The following PMP2 variants were observed in gnomAD, a reference collection of about 807,000 sequenced individuals.
The protein encoded by PMP2 is peripheral myelin protein 2, also known as myelin P2 protein.
Under a neutral mutation model 15.9 loss-of-function variants are expected in PMP2, and 11 were observed. The ratio of observed to expected loss-of-function variants is 0.69; its 90% CI spans 0.44 to 1.14. The LOEUF is 1.14. Ranked by LOEUF, PMP2 falls within the 50% of genes most tolerant of loss-of-function variation. The pLI is 0.00. For missense variants in PMP2, 151 were observed against 154.0 expected (o/e 0.98, Z 0.10); for synonymous variants, 55 against 54.1 (o/e 1.02, Z -0.07).
At chr8:81,445,315 C>G (rs1807430186) in intron 1 of PMP2, among the ~76,000 whole-genome samples, 1 of 152,082 alleles carries the variant, frequency 6.6e-6, no homozygotes, top group South Asian at 2.1e-4. Context: ...AGCTCCGCCT[C>G]CCAGGTTCAC....
rs1807378756 is a variant in PMP2 at position 81,443,012 on chromosome 8, T to G, written c.*386A>C. The G allele has an allele frequency of 6.4e-6, 1 of 156,186 alleles. No individual in the cohort carries two copies. The highest frequency in any genetic ancestry group is 2.4e-5 in the African/African-American group (1 of 41,524). The allele number at this position is 156,186 out of a possible 1,614,324, so 9.7% of individuals were successfully genotyped here. A position where few individuals can be genotyped will look rare whatever the true frequency, so the allele number is the denominator to read the frequency against. ...TCATTTCTGATGCTCCTTCCCCATA[T>G]CTCCTCTGGCCCCTGTCAGCATTTG... On this transcript the variant is annotated 3_prime_UTR_variant, in exon 4 of 4. Coordinates refer to ENST00000256103, the MANE Select transcript of PMP2 (RefSeq NM_002677.5).
chr8:81,443,742 G>A (rs1237398317), intron 3 of PMP2, among the ~76,000 whole-genome samples: 1 of 151,930 alleles, frequency 6.6e-6, no homozygotes, highest in Non-Finnish European at 1.5e-5. Flanking sequence ...ACATATTTGC[G>A]TTACCTGGGG....
chr8:81,446,716 A>C (rs1445434165), intron 1 of PMP2, among the ~76,000 whole-genome samples: 1 of 152,198 alleles, frequency 6.6e-6, no homozygotes, highest in East Asian at 1.9e-4. Context: ...ATGTTAGCGA[A>C]ATTGAGTTTG....
In PMP2 at chr8:81,440,498, AAC is replaced by A. The variant is rs1807306837; in HGVS notation, c.*2898_*2899del. 6.6e-6 allele frequency: 1 copy of A among 152,242 alleles called. No homozygotes were observed. The highest frequency in any genetic ancestry group is 1.5e-5 in the Non-Finnish European group (1 of 68,034). 9.4% of individuals were successfully genotyped at this position (152,242 alleles called of 1,614,324 possible). A position where few individuals can be genotyped will look rare whatever the true frequency, so the allele number is the denominator to read the frequency against. On this transcript the variant is annotated 3_prime_UTR_variant, in exon 4 of 4. Transcript: ENST00000256103. ...AACAACAATAAATAAAAAACCACTT[AAC>A]ACAGACATTTCTAGGCTGAAAAAGA...
chr8:81,446,108 A>C (rs1807445739), intron 1 of PMP2, among the ~76,000 whole-genome samples: 1 of 152,256 alleles, frequency 6.6e-6, no homozygotes, highest in Non-Finnish European at 1.5e-5. Flanking sequence ...CTGAATAAGA[A>C]GTTAAGAGTT....
In PMP2 at chr8:81,442,847, C is replaced by A. The variant is rs975553766; in HGVS notation, c.*551G>T. On this transcript the variant is annotated 3_prime_UTR_variant, in exon 4 of 4. Coordinates refer to ENST00000256103, the MANE Select transcript of PMP2 (RefSeq NM_002677.5). ...TATAAATTATCTGTCTATAAATTATCCATTTTTACTTAACTGTCTATAAAT... is the reference window on the plus strand; with the variant it reads ...TATAAATTATCTGTCTATAAATTATACATTTTTACTTAACTGTCTATAAAT... The A allele has an allele frequency of 2.0e-5, 3 of 152,014 alleles. No homozygotes were observed. Among genetic ancestry groups the A allele is most frequent in the African/African-American group, 4.8e-5 (2 of 41,394 alleles). 9.4% of individuals were successfully genotyped at this position (152,014 alleles called of 1,614,324 possible). A position where few individuals can be genotyped will look rare whatever the true frequency, so the allele number is the denominator to read the frequency against.
At chr8:81,445,368 G>GC (rs1371816981) in intron 1 of PMP2, among the ~76,000 whole-genome samples, 1 of 152,038 alleles carries the variant, frequency 6.6e-6, no homozygotes, top group Non-Finnish European at 1.5e-5. Flanking sequence ...GGGACTACAG[G>GC]GGCCGCCACC....
At chr8:81,444,479 T>G in intron 3 of PMP2, 21 bp downstream of exon 3, 1 of 1,407,650 alleles carries the variant, frequency 7.1e-7, no homozygotes, top group Non-Finnish European at 1.0e-6. Flanking sequence ...TTTCTCTATT[T>G]AGAAGTAAAG....
intron 3 of PMP2, 97 bp downstream of exon 3, chr8:81,444,403 C>T: frequency 1.4e-6 from 1 of 714,106 alleles, no homozygotes; most frequent in Non-Finnish European, 2.3e-6. Flanking sequence ...CATTTTTATC[C>T]ATTCATATTC....
rs1807334470 is a variant in PMP2, at chr8:81,441,461, C to T, written c.*1937G>A. On this transcript the variant is annotated 3_prime_UTR_variant, in exon 4 of 4. Transcript: ENST00000256103. The stretch of plus-strand genomic sequence containing the variant: ...TGGTTTTCCAATTCCAGAACTCCTT[C>T]CACTCACATTTAACACTGGTCCATG... The T allele has an allele frequency of 6.6e-6, 1 of 152,084 alleles. No homozygotes were observed. Among genetic ancestry groups the T allele is most frequent in the South Asian group, 2.1e-4 (1 of 4,824 alleles). 9.4% of individuals were successfully genotyped at this position (152,084 alleles called of 1,614,324 possible). A position where few individuals can be genotyped will look rare whatever the true frequency, so the allele number is the denominator to read the frequency against.
chr8:81,441,588 T>A lies in PMP2; in HGVS notation c.*1810A>T, dbSNP rs914192420. On this transcript the variant is annotated 3_prime_UTR_variant, in exon 4 of 4. Coordinates refer to ENST00000256103, the MANE Select transcript of PMP2 (RefSeq NM_002677.5). Reference sequence around the variant, plus strand: ...TATATATCTATCTATCATCTGTCAGTCATCTACCTATCTATCGATTATCTA... The same window carrying A: ...TATATATCTATCTATCATCTGTCAGACATCTACCTATCTATCGATTATCTA... 3.2e-4 allele frequency: 49 copies of A among 152,080 alleles called. No individual in the cohort carries two copies. Among genetic ancestry groups the A allele is most frequent in the African/African-American group, 1.1e-3 (46 of 41,428 alleles). 9.4% of individuals were successfully genotyped at this position (152,080 alleles called of 1,614,324 possible). A position where few individuals can be genotyped will look rare whatever the true frequency, so the allele number is the denominator to read the frequency against.
rs1807361958 is a variant in PMP2 at position 81,442,145 on chromosome 8, C to G, written c.*1253G>C. Reference sequence around the variant, plus strand: ...TGGTTTAGAAATTATGAATTTATACCAATTCTATTCCATTTCCACATGGTT... The same window carrying G: ...TGGTTTAGAAATTATGAATTTATACGAATTCTATTCCATTTCCACATGGTT... On this transcript the variant is annotated 3_prime_UTR_variant, in exon 4 of 4. Coordinates refer to ENST00000256103, the MANE Select transcript of PMP2 (RefSeq NM_002677.5). The G allele has an allele frequency of 6.6e-6, 1 of 151,856 alleles. No homozygotes were observed. The highest frequency in any genetic ancestry group is 1.5e-5 in the Non-Finnish European group (1 of 67,918). 9.4% of individuals were successfully genotyped at this position (151,856 alleles called of 1,614,324 possible).
intron 3 of PMP2, 35 bp from the exon 4 acceptor site, chr8:81,443,483 G>A (rs1807393554): frequency 2.2e-6 from 3 of 1,356,450 alleles, no homozygotes; most frequent in Middle Eastern, 1.8e-4. Context: ...AGTATCTCAA[G>A]TTCAAACCAG....
At position 81,443,292 on chromosome 8, in the gene PMP2, G is replaced by A. The variant is rs1430681453; in HGVS notation, c.*106C>T. On this transcript the variant is annotated 3_prime_UTR_variant, in exon 4 of 4. Coordinates refer to ENST00000256103, the MANE Select transcript of PMP2 (RefSeq NM_002677.5). The stretch of plus-strand genomic sequence containing the variant: ...GGCCTTTGCATATCTGATATATTAA[G>A]ACAAAAGCAAAAACAAATATTTGCA... 1 of 755,070 alleles carries A rather than the reference G, an allele frequency of 1.3e-6. No individual in the cohort carries two copies. Among genetic ancestry groups the A allele is most frequent in the East Asian group, 2.5e-5 (1 of 39,306 alleles). The allele number at this position is 755,070 out of a possible 1,614,324, so 46.8% of individuals were successfully genotyped here.
chr8:81,447,263 A>C (rs1807462836), intron 1 of PMP2, 51 bp downstream of exon 1: 1 of 1,377,092 alleles, frequency 7.3e-7, no homozygotes, highest in Non-Finnish European at 1.0e-6. Flanking sequence ...AATGTCATGT[A>C]GCTTTCTTAA....
chr8:81,443,001 C>G lies in PMP2; in HGVS notation c.*397G>C, dbSNP rs911295822. On this transcript the variant is annotated 3_prime_UTR_variant, in exon 4 of 4. Coordinates refer to ENST00000256103, the MANE Select transcript of PMP2 (RefSeq NM_002677.5). ...CCTAGCTTGCCTCATTTCTGATGCT[C>G]CTTCCCCATATCTCCTCTGGCCCCT... The G allele has an allele frequency of 6.4e-5, 10 of 155,260 alleles. No homozygotes were observed. Among genetic ancestry groups the G allele is most frequent in the African/African-American group, 2.4e-4 (10 of 41,522 alleles). 9.6% of individuals were successfully genotyped at this position (155,260 alleles called of 1,614,324 possible).
Position 81,440,973 on chromosome 8 carries a change from C to T in PMP2, c.*2425G>A, listed in dbSNP as rs1404880256. On this transcript the variant is annotated 3_prime_UTR_variant, in exon 4 of 4. Coordinates refer to ENST00000256103, the MANE Select transcript of PMP2 (RefSeq NM_002677.5). ...GTTGACCTAACATTGTCCTTTGGAG[C>T]ACTTATGTTACCTCTGGTACAGAAT... 6.6e-6 allele frequency: 1 copy of T among 152,124 alleles called. No individual in the cohort carries two copies. The highest frequency in any genetic ancestry group is 2.4e-5 in the African/African-American group (1 of 41,426). 9.4% of individuals were successfully genotyped at this position (152,124 alleles called of 1,614,324 possible).
Position 81,447,366 on chromosome 8 carries a change from G to A in PMP2, c.21C>T (p.Gly7=). The change falls in exon 1 of 4, where the codon GGC becomes GGT. Residue 7 remains glycine, a synonymous_variant. Transcript: ENST00000256103. ...TCTCACTAGAGACAAGTTTCCAGGT[G>A]CCCAGGAATTTGTTGCTCATCGTGA... The part of the protein sequence containing the change: MSNKFL[G]TWKLVSSENF... 1.2e-6 allele frequency: 2 copies of A among 1,613,796 alleles called. No homozygotes were observed. Among genetic ancestry groups the A allele is most frequent in the East Asian group, 2.2e-5 (1 of 44,876 alleles).
rs1172761953 is a variant in PMP2 at position 81,444,559 on chromosome 8, TC to T, written c.288del (p.Arg97AspfsTer9). 6.2e-7 allele frequency: 1 copy of T among 1,614,104 alleles called. No individual in the cohort carries two copies. The highest frequency in any genetic ancestry group is 1.7e-5 in the Admixed American group (1 of 60,026). ...ATGGTTGTCTCTTTGCCATCCCATCTCTGCACTTGATTCAGTGATCCTCTCT... is the reference window on the plus strand; with the variant it reads ...ATGGTTGTCTCTTTGCCATCCCATCTTGCACTTGATTCAGTGATCCTCTCT... ...TLQRGSLNQV[Q>X]RWDGKETTIK... On this transcript the variant is annotated frameshift_variant, in exon 3 of 4. Coordinates refer to ENST00000256103, the MANE Select transcript of PMP2 (RefSeq NM_002677.5). LOFTEE classifies it high-confidence loss of function.
Sources: gnomAD v4.1 joint callset for allele counts (sites outside exome capture counted in the v4.1 genomes callset) on GRCh38, gnomAD v4.1.1 for gene constraint, MANE v1.5 for transcripts, NCBI Gene and HGNC (gene_info 2026-07-23, HGNC 2026-07-21) for gene names.